RAB17: variants seen among roughly 807,000 people sequenced by gnomAD.
RAB17 encodes ras-related protein Rab-17.
A neutral mutation model predicts 19.3 loss-of-function variants in RAB17; 15 were observed. The observed-to-expected ratio is 0.78, with a 90% CI of 0.52 to 1.20. The LOEUF (loss-of-function observed/expected upper bound fraction) is 1.20, where lower values mean the gene tolerates loss of function less well. RAB17 is among the 50% of genes most tolerant of loss of function. RAB17 has a pLI of 0.00. For synonymous variants in RAB17, 110 were observed against 112.8 expected (o/e 0.97, Z 0.16); for missense variants, 262 against 269.3 (o/e 0.97, Z 0.19).
At chr2:237,576,727 GAA>G (rs1423524410) in intron 4 of RAB17, 2 of 471,216 alleles carry the variant, frequency 4.2e-6, no homozygotes, top group Admixed American at 4.7e-5. Context: ...CCGTGGAAGA[GAA>G]ACAACAGCGA....
chr2:237,585,505 A>G (rs1252004908), intron 2 of RAB17: 2 of 158,138 alleles, frequency 1.3e-5, no homozygotes, highest in Non-Finnish European at 3.0e-5. Flanking sequence ...CCCCAAAATG[A>G]TCTTCCCACC....
chr2:237,589,572 T>C (rs1317662713), intron 1 of RAB17, among the ~76,000 whole-genome samples: 3 of 151,616 alleles, frequency 2.0e-5, no homozygotes, highest in Non-Finnish European at 4.4e-5. Flanking sequence ...CATTTTCTTA[T>C]ATAACTTTTT....
Position 237,574,433 on chromosome 2 carries a change from T to C in RAB17, c.*586A>G. Reference sequence around the variant, plus strand: ...CCTGCTCATTGGACAGAAACTCAGCTTCACCACATTGCCAGCCGGGAGACC... The same window carrying C: ...CCTGCTCATTGGACAGAAACTCAGCCTCACCACATTGCCAGCCGGGAGACC... On this transcript the variant is annotated 3_prime_UTR_variant, in exon 6 of 6. Transcript: ENST00000264601. The C allele has an allele frequency of 6.5e-7, 1 of 1,549,576 alleles. No individual in the cohort carries two copies. Among genetic ancestry groups the C allele is most frequent in the Non-Finnish European group, 8.7e-7 (1 of 1,146,238 alleles).
intron 2 of RAB17, among the ~76,000 whole-genome samples, chr2:237,581,092 A>T (rs940629096): frequency 6.6e-6 from 1 of 152,198 alleles, no homozygotes; most frequent in African/African-American, 2.4e-5. Context: ...AAATGTAATT[A>T]AAAAATAAAG....
intron 2 of RAB17, among the ~76,000 whole-genome samples, chr2:237,583,343 T>C (rs180806930): frequency 4.3e-4 from 66 of 152,212 alleles, no homozygotes; most frequent in African/African-American, 1.5e-3. Flanking sequence ...ATTAACATAA[T>C]GATAATAATA....
At chr2:237,589,164 G>A (rs937784254) in intron 1 of RAB17, among the ~76,000 whole-genome samples, 11 of 148,638 alleles carry the variant, frequency 7.4e-5, no homozygotes, top group Non-Finnish European at 1.3e-4. Context: ...AGGTTTCAGC[G>A]AGCCAAAATC....
intron 1 of RAB17, 91 bp downstream of exon 1, chr2:237,590,374 GAC>G (rs1367188213): frequency 6.6e-6 from 1 of 152,270 alleles, no homozygotes; most frequent in Non-Finnish European, 1.5e-5. Flanking sequence ...CACACACACA[GAC>G]ACACAGAGAC....
At chr2:237,577,099 G>A (rs1228171539) in intron 4 of RAB17, among the ~76,000 whole-genome samples, 158 bp downstream of exon 4, 3 of 152,068 alleles carry the variant, frequency 2.0e-5, no homozygotes, top group African/African-American at 7.2e-5. Context: ...GTGCATGTGT[G>A]TAAATGCATG....
intron 2 of RAB17, chr2:237,579,667 G>T (rs1460225053): frequency 6.6e-6 from 1 of 152,174 alleles, no homozygotes; most frequent in East Asian, 1.9e-4. Context: ...GCACTCACAG[G>T]TTCCGGGGGT....
intron 2 of RAB17, 102 bp from the exon 3 acceptor site, chr2:237,578,257 G>C: frequency 4.1e-6 from 5 of 1,231,062 alleles, no homozygotes; most frequent in Non-Finnish European, 5.6e-6. Context: ...GGGCTCAGAG[G>C]GACAGCTGGC....
intron 3 of RAB17, 90 bp from the exon 4 acceptor site, chr2:237,577,472 G>A (rs1025670706): frequency 3.2e-5 from 46 of 1,426,646 alleles, no homozygotes; most frequent in Middle Eastern, 2.2e-4. Context: ...TGCTGATCAC[G>A]TTGTGTAAAA....
chr2:237,584,061 C>T (rs1295945463), intron 2 of RAB17, among the ~76,000 whole-genome samples: 1 of 151,910 alleles, frequency 6.6e-6, no homozygotes, highest in African/African-American at 2.4e-5. Context: ...GATGCTCGGA[C>T]CCTGGCTTGC....
At chr2:237,577,936 T>C in intron 3 of RAB17, 68 bp downstream of exon 3, 4 of 1,504,172 alleles carry the variant, frequency 2.7e-6, no homozygotes, top group Non-Finnish European at 3.6e-6. Context: ...ATGGCATCAT[T>C]GCACTGGAGA....
chr2:237,574,606 C>G lies in RAB17; in HGVS notation c.*413G>C. ...CTCCATCTGGCCTGCTCCCCAACCC[C>G]CCAGAAGCAGGTGGGCCCAGGCTCC... On this transcript the variant is annotated 3_prime_UTR_variant, in exon 6 of 6. Transcript: ENST00000264601. The G allele has an allele frequency of 2.0e-6, 3 of 1,534,506 alleles. No homozygotes were observed. Among genetic ancestry groups the G allele is most frequent in the Non-Finnish European group, 2.6e-6 (3 of 1,137,862 alleles).
At chr2:237,581,532 G>A (rs1559396555) in intron 2 of RAB17, among the ~76,000 whole-genome samples, 1 of 152,142 alleles carries the variant, frequency 6.6e-6, no homozygotes, top group Non-Finnish European at 1.5e-5. Flanking sequence ...TGAGATTATA[G>A]GCATGAGCCA....
At chr2:237,583,606 T>C (rs2081324994) in intron 2 of RAB17, among the ~76,000 whole-genome samples, 1 of 152,160 alleles carries the variant, frequency 6.6e-6, no homozygotes, top group South Asian at 2.1e-4. Flanking sequence ...AGGCAGCTCA[T>C]GAGCCACAGG....
intron 3 of RAB17, 65 bp from the exon 4 acceptor site, chr2:237,577,447 G>T: frequency 6.6e-7 from 1 of 1,520,578 alleles, no homozygotes; most frequent in Admixed American, 1.9e-5. Context: ...TATTCCGGGA[G>T]GGGGAAGCCA....
At chr2:237,589,721 G>C (rs959221928) in intron 1 of RAB17, among the ~76,000 whole-genome samples, 1 of 152,162 alleles carries the variant, frequency 6.6e-6, no homozygotes. Context: ...GATGTTATTA[G>C]GTTGTTGAAG....
At chr2:237,589,778 A>G (rs2081378922) in intron 1 of RAB17, among the ~76,000 whole-genome samples, 1 of 152,210 alleles carries the variant, frequency 6.6e-6, no homozygotes, top group African/African-American at 2.4e-5. Flanking sequence ...GCGCTTCTCT[A>G]GTAATCTTAA....
Sources: allele counts gnomAD v4.1 joint callset (sites outside exome capture counted in the v4.1 genomes callset), GRCh38; gene constraint gnomAD v4.1.1; transcripts MANE v1.5; gene names NCBI Gene and HGNC (gene_info 2026-07-23, HGNC 2026-07-21).